Variants in TMTC2 observed in about 807,000 individuals in gnomAD.
The protein encoded by TMTC2 is protein O-mannosyl-transferase TMTC2.
Under a neutral mutation model 82.4 loss-of-function variants are expected in TMTC2, and 43 were observed. The ratio of observed to expected loss-of-function variants is 0.52; its 90% CI spans 0.41 to 0.67. The LOEUF (loss-of-function observed/expected upper bound fraction) is 0.67. Ranked by LOEUF, TMTC2 falls within the 30% of genes least tolerant of loss-of-function variation. TMTC2 has a pLI of 0.00. For missense variants in TMTC2, 919 were observed against 1,012.4 expected, an observed-to-expected ratio of 0.91 and a Z score of 1.25; for synonymous variants, 408 against 381.9, an observed-to-expected ratio of 1.07 and a Z score of -0.80.
intron 4 of TMTC2, among the ~76,000 whole-genome samples, chr12:82,939,862 G>T (rs1448171261): frequency 6.6e-6 from 1 of 152,090 alleles, no homozygotes; most frequent in East Asian, 1.9e-4. Flanking sequence ...TCTTCAATGT[G>T]AACTTGACCC....
At chr12:82,705,722 CATG>C (rs1873322833) in intron 1 of TMTC2, among the ~76,000 whole-genome samples, 1 of 152,102 alleles carries the variant, frequency 6.6e-6, no homozygotes, top group Non-Finnish European at 1.5e-5. Flanking sequence ...GCCTTCAGCT[CATG>C]CCATCCCCTC....
chr12:82,896,679 G>T (rs1433466895), intron 3 of TMTC2, 33 bp downstream of exon 3: 3 of 1,523,098 alleles, frequency 2.0e-6, no homozygotes, highest in East Asian at 4.5e-5. Context: ...TGTCTGGATA[G>T]TTTACACTTT....
At chr12:82,961,073 C>T (rs1877903357) in intron 4 of TMTC2, among the ~76,000 whole-genome samples, 2 of 151,550 alleles carry the variant, frequency 1.3e-5, no homozygotes, top group Middle Eastern at 3.4e-3. Flanking sequence ...GCCCAAGGTT[C>T]GTTATGTGCA....
intron 11 of TMTC2, among the ~76,000 whole-genome samples, chr12:83,080,661 A>T (rs967208656): frequency 1.3e-5 from 2 of 152,158 alleles, no homozygotes; most frequent in South Asian, 4.1e-4. Flanking sequence ...CTTCATGTGT[A>T]ACATTACCTA....
At chr12:83,064,495 T>C (rs1351653046) in intron 11 of TMTC2, among the ~76,000 whole-genome samples, 2 of 151,978 alleles carry the variant, frequency 1.3e-5, no homozygotes, top group East Asian at 1.9e-4. Context: ...AAATAAATGA[T>C]GTTACCATTG....
intron 1 of TMTC2, among the ~76,000 whole-genome samples, chr12:82,833,559 T>G (rs1242683071): frequency 6.6e-6 from 1 of 152,250 alleles, no homozygotes; most frequent in African/African-American, 2.4e-5. Context: ...AGTTGATTCA[T>G]GCTCACAAAA....
At chr12:82,934,404 G>C (rs10778917) in intron 4 of TMTC2, among the ~76,000 whole-genome samples, 83 of 149,492 alleles carry the variant, frequency 5.6e-4, no homozygotes, top group Admixed American at 1.1e-3. Flanking sequence ...GACAGGCCCC[G>C]GTGTGTGATA....
At chr12:83,056,707 G>A (rs1430274457) in intron 10 of TMTC2, among the ~76,000 whole-genome samples, 5 of 151,750 alleles carry the variant, frequency 3.3e-5, no homozygotes, top group East Asian at 3.9e-4. Flanking sequence ...AAAACCACGC[G>A]AAAGTCACTG....
Position 82,857,070 on chromosome 12 carries a change from C to T in TMTC2, c.144C>T (p.Tyr48=), listed in dbSNP as rs751747680. The part of the protein sequence containing the change: ...LPETPWTHIF[Y]NDFWGTLLTH... ...AAACTCCATGGACGCACATTTTCTA[C>T]AATGATTTTTGGGGGACTCTTCTAA... Residue 48 remains tyrosine, a synonymous_variant, in exon 2 of 12, where the codon TAC becomes TAT. Transcript: ENST00000321196. 8 of 1,613,562 alleles carry T rather than the reference C, an allele frequency of 5.0e-6. No individual in the cohort carries two copies. Among genetic ancestry groups the T allele is most frequent in the Non-Finnish European group, 5.9e-6 (7 of 1,180,034 alleles).
intron 7 of TMTC2, among the ~76,000 whole-genome samples, chr12:82,979,202 T>C (rs934298998): frequency 2.6e-5 from 4 of 151,722 alleles, no homozygotes; most frequent in Admixed American, 2.0e-4. Context: ...TTATAAATAA[T>C]GACTTACTCT....
chr12:82,742,246 T>C (rs1337865269), intron 1 of TMTC2, among the ~76,000 whole-genome samples: 1 of 152,138 alleles, frequency 6.6e-6, no homozygotes, highest in East Asian at 1.9e-4. Context: ...GAGGCATGTC[T>C]TCATGTATTT....
chr12:83,045,727 G>GGGCTCACACA (rs1437284307), intron 9 of TMTC2, among the ~76,000 whole-genome samples: 4 of 142,538 alleles, frequency 2.8e-5, no homozygotes, highest in African/African-American at 5.3e-5. Flanking sequence ...ACACACACAC[G>GGGCTCACACA]CACACACACA....
At position 82,857,444 on chromosome 12, in the gene TMTC2, T is replaced by C; in HGVS notation, c.518T>C (p.Leu173Pro). 1 of 1,614,208 alleles carries C rather than the reference T, an allele frequency of 6.2e-7. No homozygotes were observed. The highest frequency in any genetic ancestry group is 8.5e-7 in the Non-Finnish European group (1 of 1,180,038). ...TCAGCCAGAACCTGGGGCTGGTTCC[T>C]GGGGTCAGGACTGTGCGCAGGATGC... ...GYSARTWGWF[L>P]GSGLCAGCSM... Residue 173 changes from leucine (L) to proline (P), a missense_variant, in exon 2 of 12, where the codon CTG (leucine) becomes CCG (proline). Leu to Pro is a moderately conservative substitution (Grantham distance 98). Coordinates refer to ENST00000321196, the MANE Select transcript of TMTC2 (RefSeq NM_152588.3).
At chr12:82,701,774 GA>G (rs1457977862) in intron 1 of TMTC2, among the ~76,000 whole-genome samples, 2 of 147,788 alleles carry the variant, frequency 1.4e-5, no homozygotes, top group East Asian at 2.0e-4. Flanking sequence ...AAAAAAAAAA[GA>G]AAAAAAGAAT....
chr12:82,862,025 G>T (rs1204738858), intron 2 of TMTC2, among the ~76,000 whole-genome samples: 1 of 152,046 alleles, frequency 6.6e-6, no homozygotes, highest in Non-Finnish European at 1.5e-5. Context: ...GAGTTAGTGG[G>T]GTCTGGAAGG....
chr12:82,720,210 A>G (rs1029111965), intron 1 of TMTC2, among the ~76,000 whole-genome samples: 9 of 152,148 alleles, frequency 5.9e-5, no homozygotes, highest in African/African-American at 1.4e-4. Flanking sequence ...TCTTTTAGCT[A>G]TCACCCACCT....
intron 3 of TMTC2, among the ~76,000 whole-genome samples, chr12:82,909,385 G>T: frequency 6.6e-6 from 1 of 152,082 alleles, no homozygotes; most frequent in Admixed American, 6.6e-5. Flanking sequence ...TGTCGCCCAG[G>T]CTGGGGTATA....
At chr12:83,107,182 T>A (rs1451255460) in intron 11 of TMTC2, among the ~76,000 whole-genome samples, 1 of 152,226 alleles carries the variant, frequency 6.6e-6, no homozygotes, top group Admixed American at 6.5e-5. Context: ...GGAAGTATGA[T>A]CTTACAATAG....
chr12:83,043,231 T>C (rs1452498643), intron 9 of TMTC2, among the ~76,000 whole-genome samples: 2 of 152,162 alleles, frequency 1.3e-5, no homozygotes, highest in African/African-American at 4.8e-5. Flanking sequence ...AGAGAATTAG[T>C]GTTAACAAGC....
Sources: allele counts gnomAD v4.1 joint callset (sites outside exome capture counted in the v4.1 genomes callset), GRCh38; gene constraint gnomAD v4.1.1; transcripts MANE v1.5; gene names NCBI Gene and HGNC (gene_info 2026-07-23, HGNC 2026-07-21).